Variants in LRRFIP2 observed in about 807,000 individuals in gnomAD.
LRRFIP2 encodes the protein leucine-rich repeat flightless-interacting protein 2.
Under a neutral mutation model 125.9 loss-of-function variants are expected in LRRFIP2, and 109 were observed. The observed-to-expected ratio is 0.87, with a 90% CI of 0.74 to 1.01. The LOEUF (loss-of-function observed/expected upper bound fraction) is 1.01. Ranked by LOEUF, LRRFIP2 falls within the 50% of genes least tolerant of loss-of-function variation. The probability of loss-of-function intolerance (pLI) is 0.00; values close to 1 mark genes in which losing one functional copy is unlikely to be tolerated. For synonymous variants in LRRFIP2, 291 were observed against 293.1 expected (o/e 0.99, Z 0.07); for missense variants, 850 against 862.3 (o/e 0.99, Z 0.18).
chr3:37,174,863 TCA>T (rs1233532763), upstream of LRRFIP2: 1 of 152,242 alleles, frequency 6.6e-6, no homozygotes, highest in Non-Finnish European at 1.5e-5. Context: ...TAGCAATGAT[TCA>T]CAAAGTGAGT....
rs577557196 is a variant in LRRFIP2 at position 37,081,196 on chromosome 3, C to G, written c.1278+2440G>C. Among the ~76,000 whole-genome samples, 7 of 152,238 alleles carry G rather than the reference C, an allele frequency of 4.6e-5. No homozygotes were observed. In the East Asian group the frequency reaches 1.2e-3, roughly 25 times the overall value. On this transcript the variant is annotated intron_variant, in intron 19 of 27. Transcript: ENST00000336686. ...GATCAAAGTTACAGTGGGCTATGAT[C>G]GTGCCACTGCACTCCAGCCTGGGGA...
chr3:37,129,073 TGTC>T lies in LRRFIP2; in HGVS notation c.164_166del (p.Arg55del). 1 of 1,614,114 alleles carries T rather than the reference TGTC, an allele frequency of 6.2e-7. No homozygotes were observed. The highest frequency in any genetic ancestry group is 8.5e-7 in the Non-Finnish European group (1 of 1,179,970). ...ATTCCCTCAAATTACCTCTTTTTGT[TGTC>T]GTTCCAGTTCTCTCATGCGTATATC... On this transcript the variant is annotated inframe_deletion, in exon 3 of 28. Coordinates refer to ENST00000336686, the MANE Select transcript of LRRFIP2 (RefSeq NM_006309.4).
chr3:37,152,161 G>T (rs1041145475), intron 1 of LRRFIP2, among the ~76,000 whole-genome samples: 9 of 152,150 alleles, frequency 5.9e-5, no homozygotes, highest in African/African-American at 2.2e-4. Flanking sequence ...AATGTCTCTT[G>T]CAGTGACTTG....
Position 37,091,467 on chromosome 3 carries a change from C to T in LRRFIP2, c.1107G>A (p.Lys369=). 1.9e-6 allele frequency: 3 copies of T among 1,609,620 alleles called. No homozygotes were observed. Among genetic ancestry groups the T allele is most frequent in the Non-Finnish European group, 2.5e-6 (3 of 1,178,174 alleles). Residue 369 remains lysine, a splice_region_variant and synonymous_variant, in exon 18 of 28, where the codon AAG becomes AAA. Transcript: ENST00000336686. ...GRYMQGLKEL[K]ESLSEVEEKY... ...TGGGCTGCAGAATGGGCCCTGATACCTTTAGTTCTTTAAGCCCCTGCATGT... is the reference window on the plus strand; with the variant it reads ...TGGGCTGCAGAATGGGCCCTGATACTTTTAGTTCTTTAAGCCCCTGCATGT...
intron 23 of LRRFIP2, 156 bp downstream of exon 23, chr3:37,065,654 G>A (rs776949406): frequency 4.5e-6 from 4 of 898,268 alleles, no homozygotes; most frequent in Non-Finnish European, 7.2e-6. Context: ...AAGGATGTCT[G>A]AAGACAATGT....
chr3:37,133,879 A>G (rs1003041586), intron 2 of LRRFIP2, among the ~76,000 whole-genome samples: 1 of 152,232 alleles, frequency 6.6e-6, no homozygotes, highest in Non-Finnish European at 1.5e-5. Context: ...AGAAGCCTAA[A>G]TTATTTAAAT....
intron 15 of LRRFIP2, among the ~76,000 whole-genome samples, chr3:37,100,372 ATAC>A (rs2093959814): frequency 1.3e-5 from 2 of 149,352 alleles, no homozygotes. Context: ...ACATACATAC[ATAC>A]ATGTATACAT....
At chr3:37,061,887 T>A (rs953787916) in intron 24 of LRRFIP2, among the ~76,000 whole-genome samples, 2 of 152,180 alleles carry the variant, frequency 1.3e-5, no homozygotes, top group African/African-American at 4.8e-5. Flanking sequence ...ATCCTCTCTC[T>A]AACCACTATT....
chr3:37,058,672 T>G, intron 25 of LRRFIP2, 118 bp downstream of exon 25: 5 of 915,912 alleles, frequency 5.5e-6, no homozygotes, highest in African/African-American at 1.8e-5. Context: ...GAGACTCCCA[T>G]CTCAAAAAAA....
upstream of LRRFIP2, chr3:37,175,967 G>C (rs2150512899): frequency 6.6e-6 from 1 of 152,344 alleles, no homozygotes; most frequent in African/African-American, 2.4e-5. Flanking sequence ...GTCGGAGGCG[G>C]CGCGGATCCC....
At chr3:37,053,999 G>GA in intron 27 of LRRFIP2, 38 bp from the exon 28 acceptor site, 1 of 1,182,822 alleles carries the variant, frequency 8.5e-7, no homozygotes, top group Non-Finnish European at 1.3e-6. Flanking sequence ...CATGTGGTCA[G>GA]AAACAACATC....
intron 6 of LRRFIP2, among the ~76,000 whole-genome samples, chr3:37,118,042 C>T (rs2094873433): frequency 6.6e-6 from 1 of 152,086 alleles, no homozygotes; most frequent in Non-Finnish European, 1.5e-5. Flanking sequence ...CAGTAAAAAT[C>T]TCCACCAATG....
intron 2 of LRRFIP2, among the ~76,000 whole-genome samples, chr3:37,130,942 AG>A (rs2095412287): frequency 6.6e-6 from 1 of 152,256 alleles, no homozygotes; most frequent in African/African-American, 2.4e-5. Context: ...ATTGTGAAGA[AG>A]GAAAAAGAAA....
intron 2 of LRRFIP2, among the ~76,000 whole-genome samples, chr3:37,148,578 T>C (rs1266762988): frequency 6.6e-6 from 1 of 152,214 alleles, no homozygotes; most frequent in Admixed American, 6.5e-5. Context: ...AACATTTCTC[T>C]AATAAAAACC....
chr3:37,149,450 G>A (rs939812252), intron 1 of LRRFIP2, among the ~76,000 whole-genome samples: 1 of 152,070 alleles, frequency 6.6e-6, no homozygotes, highest in Non-Finnish European at 1.5e-5. Flanking sequence ...CTAGGAGGCG[G>A]AGGTTGTAGT....
chr3:37,152,280 G>A (rs2096056109), intron 1 of LRRFIP2, among the ~76,000 whole-genome samples: 1 of 152,078 alleles, frequency 6.6e-6, no homozygotes, highest in Non-Finnish European at 1.5e-5. Context: ...ATAGACTTTG[G>A]GGACTTGGTG....
At chr3:37,131,264 G>A (rs1485631915) in intron 2 of LRRFIP2, among the ~76,000 whole-genome samples, 3 of 152,078 alleles carry the variant, frequency 2.0e-5, no homozygotes, top group Admixed American at 2.0e-4. Flanking sequence ...TGTTTGGCAG[G>A]AGCTGTTCTC....
At chr3:37,161,553 G>C (rs1006621154) in intron 1 of LRRFIP2, among the ~76,000 whole-genome samples, 1 of 152,016 alleles carries the variant, frequency 6.6e-6, no homozygotes, top group Non-Finnish European at 1.5e-5. Flanking sequence ...ACAAAGTCTC[G>C]GGTAAAGAGG....
intron 2 of LRRFIP2, chr3:37,135,117 A>T: frequency 7.7e-7 from 1 of 1,294,858 alleles, no homozygotes; most frequent in Non-Finnish European, 1.1e-6. Flanking sequence ...GCTACCTTAA[A>T]GTCAGAATAA....
Sources: gnomAD v4.1 joint callset for allele counts (sites outside exome capture counted in the v4.1 genomes callset) on GRCh38, gnomAD v4.1.1 for gene constraint, MANE v1.5 for transcripts, NCBI Gene and HGNC (gene_info 2026-07-23, HGNC 2026-07-21) for gene names.